Variants in TMOD3 observed in about 807,000 individuals in gnomAD.
TMOD3 encodes the protein tropomodulin 3.
TMOD3 carries 20 observed loss-of-function variants against 39.2 expected under a neutral mutation model. The observed-to-expected ratio is 0.51, with a 90% CI of 0.36 to 0.74. The LOEUF (loss-of-function observed/expected upper bound fraction) is 0.74. Among genes scored for constraint, TMOD3 ranks in the 30% least tolerant of loss-of-function variants. The pLI, the probability that TMOD3 is intolerant of heterozygous loss-of-function variation, is 0.00. For synonymous variants in TMOD3, 143 were observed against 145.8 expected, an observed-to-expected ratio of 0.98 and a Z score of 0.14; for missense variants, 381 against 412.8, an observed-to-expected ratio of 0.92 and a Z score of 0.67.
Position 51,908,894 on chromosome 15 carries a change from A to C in TMOD3, c.*84A>C. Reference sequence around the variant, plus strand: ...GACATCATGTAAAATTTTCCTGGGTAGAAGGGAAAAGACTGGAAAAATTTT... The same window carrying C: ...GACATCATGTAAAATTTTCCTGGGTCGAAGGGAAAAGACTGGAAAAATTTT... On this transcript the variant is annotated 3_prime_UTR_variant, in exon 10 of 10. Coordinates refer to ENST00000308580, the MANE Select transcript of TMOD3 (RefSeq NM_014547.5). 8.1e-7 allele frequency: 1 copy of C among 1,231,330 alleles called. No individual in the cohort carries two copies. The highest frequency in any genetic ancestry group is 1.1e-6 in the Non-Finnish European group (1 of 895,764). 76.3% of individuals were successfully genotyped at this position (1,231,330 alleles called of 1,614,324 possible).
intron 8 of TMOD3, 46 bp downstream of exon 8, chr15:51,900,344 T>G (rs1180598339): frequency 6.2e-7 from 1 of 1,607,450 alleles, no homozygotes. Flanking sequence ...CAGCCCACGC[T>G]GCTGTGTAGG....
chr15:51,831,112 A>G (rs2056252796), intron 1 of TMOD3, among the ~76,000 whole-genome samples: 1 of 152,216 alleles, frequency 6.6e-6, no homozygotes, highest in Non-Finnish European at 1.5e-5. Flanking sequence ...TTGCTCATTC[A>G]GGAAACACTG....
chr15:51,910,928 C>CA lies in TMOD3; in HGVS notation c.*2119dup. On this transcript the variant is annotated 3_prime_UTR_variant, in exon 10 of 10. Coordinates refer to ENST00000308580, the MANE Select transcript of TMOD3 (RefSeq NM_014547.5). Reference sequence around the variant, plus strand: ...CTTGCTTTCTTGCCTCCCTTGCCTCCATCCCTCTCCCTTCCTACCTTCTCT... The same window carrying CA: ...CTTGCTTTCTTGCCTCCCTTGCCTCCAATCCCTCTCCCTTCCTACCTTCTCT... The CA allele has an allele frequency of 6.6e-6, 1 of 152,368 alleles. No individual in the cohort carries two copies. The highest frequency in any genetic ancestry group is 3.4e-3 in the Middle Eastern group (1 of 296). The allele number at this position is 152,368 out of a possible 1,614,324, so 9.4% of individuals were successfully genotyped here.
At chr15:51,886,661 A>AGAGGGAGAGGGAGAGGGAGACCTTGG (rs1234623516) in intron 3 of TMOD3, among the ~76,000 whole-genome samples, 14 of 151,712 alleles carry the variant, frequency 9.2e-5, no homozygotes, top group Non-Finnish European at 1.9e-4. Context: ...CCGTGGAGAG[A>AGAGGGAGAGGGAGAGGGAGACCTTGG]GAGGGAGAGG....
In TMOD3 at chr15:51,899,597, C is replaced by T. The variant is rs763300216; in HGVS notation, c.736-558C>T. 1.2e-3 allele frequency among the ~76,000 whole-genome samples: 183 copies of T among 150,766 alleles called. 1 individual carries two copies. Among genetic ancestry groups the T allele is most frequent in the Non-Finnish European group, 1.7e-3 (114 of 67,810 alleles). ...GGGAAGATCAATTGAGCCCAGGAGG[C>T]AGAGGTTGCAGTGAGCTGTGATCCT... On this transcript the variant is annotated intron_variant, in intron 7 of 9. Transcript: ENST00000308580.
At chr15:51,845,066 G>T (rs1473178413) in intron 1 of TMOD3, among the ~76,000 whole-genome samples, 1 of 152,070 alleles carries the variant, frequency 6.6e-6, no homozygotes, top group Non-Finnish European at 1.5e-5. Context: ...GTTCACCTTG[G>T]CAGTGATGAG....
intron 3 of TMOD3, among the ~76,000 whole-genome samples, chr15:51,869,678 TAC>T (rs1346139264): frequency 6.6e-6 from 1 of 152,210 alleles, no homozygotes; most frequent in East Asian, 1.9e-4. Flanking sequence ...AGTGGTAGAT[TAC>T]AGAGTACAAA....
At chr15:51,883,642 A>G (rs2056545409) in intron 3 of TMOD3, among the ~76,000 whole-genome samples, 2 of 152,178 alleles carry the variant, frequency 1.3e-5, no homozygotes, top group South Asian at 2.1e-4. Flanking sequence ...GTTGCTGTCA[A>G]CCTTGGCTGC....
intron 1 of TMOD3, among the ~76,000 whole-genome samples, chr15:51,850,076 G>A (rs939936322): frequency 5.9e-5 from 9 of 152,110 alleles, no homozygotes; most frequent in African/African-American, 1.9e-4. Context: ...GAGAGGACTC[G>A]GGTTACCAAA....
intron 8 of TMOD3, chr15:51,901,572 AGT>A (rs57976840): frequency 0.14 from 25,904 of 184,242 alleles, 1,493 homozygotes; most frequent in South Asian, 0.25. Context: ...TAAAAAGTTT[AGT>A]GTGTGTGTGT....
At chr15:51,838,071 C>T (rs2056295168) in intron 1 of TMOD3, among the ~76,000 whole-genome samples, 1 of 152,162 alleles carries the variant, frequency 6.6e-6, no homozygotes, top group Non-Finnish European at 1.5e-5. Flanking sequence ...AGCATGGAGG[C>T]GTACTTACTT....
chr15:51,901,811 T>A lies in TMOD3; in HGVS notation c.880-81T>A, dbSNP rs1180789416. On this transcript the variant is annotated intron_variant, in intron 8 of 9. Coordinates refer to ENST00000308580, the MANE Select transcript of TMOD3 (RefSeq NM_014547.5). ...ATTTAAAGAGATCAAAGAATTAGCA[T>A]GTGCCTGAATGTCTTAATTTACCTT... The A allele has an allele frequency of 5.8e-6, 8 of 1,386,034 alleles. No individual in the cohort carries two copies. In the African/African-American group the frequency reaches 5.8e-5, roughly 10 times the overall value. 85.9% of individuals were successfully genotyped at this position (1,386,034 alleles called of 1,614,324 possible).
rs1041599663 is a variant in TMOD3, at chr15:51,909,767, C to T, written c.*957C>T. 1 of 152,196 alleles carries T rather than the reference C, an allele frequency of 6.6e-6. No homozygotes were observed. Among genetic ancestry groups the T allele is most frequent in the Non-Finnish European group, 1.5e-5 (1 of 68,044 alleles). 9.4% of individuals were successfully genotyped at this position (152,196 alleles called of 1,614,324 possible). ...TTACTGTAAGTCAGTTGGAAGCTGGCATGTATGTAAATTACTTGGTGTTAC... is the reference window on the plus strand; with the variant it reads ...TTACTGTAAGTCAGTTGGAAGCTGGTATGTATGTAAATTACTTGGTGTTAC... On this transcript the variant is annotated 3_prime_UTR_variant, in exon 10 of 10. Transcript: ENST00000308580.
rs566673444 is a variant in TMOD3, at chr15:51,873,201, C to A, written c.283+3828C>A. Among the ~76,000 whole-genome samples, 6 of 152,322 alleles carry A rather than the reference C, an allele frequency of 3.9e-5. No homozygotes were observed. The South Asian group carries it at 1.0e-3, about 26-fold the overall frequency. On this transcript the variant is annotated intron_variant, in intron 3 of 9. Coordinates refer to ENST00000308580, the MANE Select transcript of TMOD3 (RefSeq NM_014547.5). Reference sequence around the variant, plus strand: ...GTTCCAGAAGGTCCTCAGAGTAATTCATCTATGTCTTATTAGAATACTTCC... The same window carrying A: ...GTTCCAGAAGGTCCTCAGAGTAATTAATCTATGTCTTATTAGAATACTTCC...
intron 6 of TMOD3, among the ~76,000 whole-genome samples, chr15:51,896,016 G>A (rs2056618795): frequency 6.6e-6 from 1 of 152,192 alleles, no homozygotes; most frequent in South Asian, 2.1e-4. Context: ...GCTGAGGCAG[G>A]AGGGTTGCTT....
intron 3 of TMOD3, among the ~76,000 whole-genome samples, chr15:51,883,580 T>C (rs1305404634): frequency 6.6e-6 from 1 of 152,214 alleles, no homozygotes; most frequent in Non-Finnish European, 1.5e-5. Context: ...GATCATTTTT[T>C]TGTGGCAAGT....
At position 51,864,738 on chromosome 15, in the gene TMOD3, T is replaced by C. The variant is rs78906302; in HGVS notation, c.126+1728T>C. 1.4e-3 allele frequency among the ~76,000 whole-genome samples: 214 copies of C among 152,278 alleles called. 11 individuals carry two copies. Among genetic ancestry groups the C allele is most frequent in the East Asian group, 9.6e-3 (50 of 5,190 alleles). On this transcript the variant is annotated intron_variant, in intron 2 of 9. Transcript: ENST00000308580. ...AATAATTTGAACAGGCTCAGGGCTA[T>C]GTAACTAGTCTCTAGTTGTCCAGTA...
At chr15:51,875,350 C>T (rs2056496621) in intron 3 of TMOD3, 1 of 152,134 alleles carries the variant, frequency 6.6e-6, no homozygotes, top group African/African-American at 2.4e-5. Context: ...AGTGGTCTTC[C>T]CAGGCACTGA....
At chr15:51,873,780 C>G (rs1595900738) in intron 3 of TMOD3, among the ~76,000 whole-genome samples, 1 of 151,804 alleles carries the variant, frequency 6.6e-6, no homozygotes, top group South Asian at 2.1e-4. Flanking sequence ...TGCCACCACA[C>G]CTGGCTAATT....
Sources: allele counts gnomAD v4.1 joint callset (sites outside exome capture counted in the v4.1 genomes callset), GRCh38; gene constraint gnomAD v4.1.1; transcripts MANE v1.5; gene names NCBI Gene and HGNC (gene_info 2026-07-23, HGNC 2026-07-21).